Variants in KCNAB1 observed in about 807,000 individuals in gnomAD.
The protein encoded by KCNAB1 is voltage-gated potassium channel subunit beta-1.
In KCNAB1, 35 loss-of-function variants were observed where a neutral mutation model predicts 64.6. The observed-to-expected ratio is 0.54, with a 90% confidence interval of 0.41 to 0.72. The LOEUF (loss-of-function observed/expected upper bound fraction) is 0.72. KCNAB1 is among the 30% of genes least tolerant of loss of function. The pLI, the probability that KCNAB1 is intolerant of heterozygous loss-of-function variation, is 0.00. For synonymous variants in KCNAB1, 177 were observed against 183.8 expected, an observed-to-expected ratio of 0.96 and a Z score of 0.30; for missense variants, 401 against 512.9, an observed-to-expected ratio of 0.78 and a Z score of 2.11.
At chr3:156,534,358 G>T (rs1375111150) in intron 13 of KCNAB1, among the ~76,000 whole-genome samples, 1 of 152,144 alleles carries the variant, frequency 6.6e-6, no homozygotes, top group African/African-American at 2.4e-5. Flanking sequence ...GAGACAGGAG[G>T]AGAAACCACA....
intron 8 of KCNAB1, among the ~76,000 whole-genome samples, chr3:156,510,458 G>A (rs538159826): frequency 2.6e-5 from 4 of 151,848 alleles, no homozygotes; most frequent in East Asian, 3.9e-4. Flanking sequence ...TCCCAGCCCC[G>A]AGGCCATTTC....
At chr3:156,241,105 C>T (rs542074796) in intron 1 of KCNAB1, among the ~76,000 whole-genome samples, 2 of 152,338 alleles carry the variant, frequency 1.3e-5, no homozygotes, top group South Asian at 2.1e-4. Flanking sequence ...GTGCAGGCAG[C>T]GTGGCCTTCT....
At chr3:156,414,100 CT>C (rs1221882358) in intron 1 of KCNAB1, among the ~76,000 whole-genome samples, 3 of 152,196 alleles carry the variant, frequency 2.0e-5, no homozygotes, top group African/African-American at 7.2e-5. Context: ...ACATTGCTGA[CT>C]TTGCTTTCTA....
chr3:156,205,989 G>T (rs1376951558), intron 1 of KCNAB1, among the ~76,000 whole-genome samples: 11 of 152,134 alleles, frequency 7.2e-5, no homozygotes, highest in Non-Finnish European at 1.3e-4. Context: ...TGTTTGCCGG[G>T]ATCACCTTTG....
At chr3:156,296,635 G>C (rs1040588853) in intron 1 of KCNAB1, among the ~76,000 whole-genome samples, 1 of 151,878 alleles carries the variant, frequency 6.6e-6, no homozygotes, top group Non-Finnish European at 1.5e-5. Flanking sequence ...CACCATGCCT[G>C]GCTAATGTTT....
intron 1 of KCNAB1, among the ~76,000 whole-genome samples, chr3:156,392,325 C>T (rs1411955919): frequency 6.6e-6 from 1 of 152,164 alleles, no homozygotes; most frequent in South Asian, 2.1e-4. Context: ...AATTATTCCT[C>T]CCAAAATACT....
At chr3:156,212,072 A>G (rs1715042102) in intron 1 of KCNAB1, among the ~76,000 whole-genome samples, 1 of 152,150 alleles carries the variant, frequency 6.6e-6, no homozygotes, top group South Asian at 2.1e-4. Flanking sequence ...CTTGTAAGGG[A>G]ACTTCATGAT....
intron 1 of KCNAB1, among the ~76,000 whole-genome samples, chr3:156,235,835 T>C (rs1046909348): frequency 4.6e-5 from 7 of 152,066 alleles, no homozygotes; most frequent in African/African-American, 1.7e-4. Context: ...AAAATAGAAA[T>C]TCCTGGGTCC....
chr3:156,333,648 G>A (rs1008853295), intron 1 of KCNAB1, among the ~76,000 whole-genome samples: 1 of 152,110 alleles, frequency 6.6e-6, no homozygotes, highest in Non-Finnish European at 1.5e-5. Context: ...TATAAGAGAT[G>A]TAAAATTGCA....
chr3:156,286,626 G>A (rs1720112590), intron 1 of KCNAB1, among the ~76,000 whole-genome samples: 1 of 152,214 alleles, frequency 6.6e-6, no homozygotes, highest in South Asian at 2.1e-4. Context: ...TTATCGTGAA[G>A]TATTTGAAAA....
At chr3:156,237,876 G>A (rs1365926794) in intron 1 of KCNAB1, among the ~76,000 whole-genome samples, 5 of 152,296 alleles carry the variant, frequency 3.3e-5, no homozygotes, top group Admixed American at 6.5e-5. Context: ...CAGTGCAGGT[G>A]CCATCAGAAC....
At chr3:156,287,541 A>G (rs2107962270) in intron 1 of KCNAB1, among the ~76,000 whole-genome samples, 1 of 152,258 alleles carries the variant, frequency 6.6e-6, no homozygotes, top group South Asian at 2.1e-4. Context: ...GCTCCAAAAA[A>G]GAGCTCCAGG....
At chr3:156,166,528 T>TACACAC (rs199726612) in intron 1 of KCNAB1, among the ~76,000 whole-genome samples, 43 of 145,186 alleles carry the variant, frequency 3.0e-4, no homozygotes, top group South Asian at 2.4e-3. Flanking sequence ...AAAATACATA[T>TACACAC]ATACACACAC....
At chr3:156,215,632 G>C (rs1020643825) in intron 1 of KCNAB1, 3 of 152,284 alleles carry the variant, frequency 2.0e-5, no homozygotes, top group African/African-American at 4.8e-5. Context: ...GGTGGAGACA[G>C]ACAGGGAATT....
At chr3:156,335,188 T>G (rs1384066370) in intron 1 of KCNAB1, among the ~76,000 whole-genome samples, 1 of 152,246 alleles carries the variant, frequency 6.6e-6, no homozygotes, top group Non-Finnish European at 1.5e-5. Flanking sequence ...TCAGTGACTT[T>G]ATCCTTGGCA....
At chr3:156,359,725 A>G (rs6806552) in intron 1 of KCNAB1, among the ~76,000 whole-genome samples, 17,947 of 152,218 alleles carry the variant, frequency 0.12, 3,504 homozygotes, top group African/African-American at 0.41. Flanking sequence ...TCACCATGTT[A>G]TGTGATATGT....
intron 1 of KCNAB1, among the ~76,000 whole-genome samples, chr3:156,196,854 G>A (rs1387166783): frequency 6.6e-6 from 1 of 152,206 alleles, no homozygotes; most frequent in Non-Finnish European, 1.5e-5. Context: ...TAGGAGTGGT[G>A]AGAGAGGGCA....
At chr3:156,290,118 T>G (rs1330826710) in intron 1 of KCNAB1, among the ~76,000 whole-genome samples, 2 of 152,184 alleles carry the variant, frequency 1.3e-5, no homozygotes, top group Non-Finnish European at 2.9e-5. Flanking sequence ...AATGAACAAC[T>G]TTCTCCAGTG....
rs1288210996 is a variant in KCNAB1 at position 156,132,787 on chromosome 3, TAAC to T, written c.275+11906_275+11908del. Among the ~76,000 whole-genome samples the T allele has an allele frequency of 6.6e-5, 10 of 152,334 alleles. No homozygotes were observed. In the East Asian group the frequency reaches 1.7e-3, roughly 26 times the overall value. On this transcript the variant is annotated intron_variant, in intron 1 of 13. Coordinates refer to ENST00000490337, the MANE Select transcript of KCNAB1 (RefSeq NM_172160.3). ...TTCTATAATGTACCTCCAGGATTCA[TAAC>T]AACAGACAAGATAATCACTTTGCTC...
Sources: gnomAD v4.1 joint callset for allele counts (sites outside exome capture counted in the v4.1 genomes callset) on GRCh38, gnomAD v4.1.1 for gene constraint, MANE v1.5 for transcripts, NCBI Gene and HGNC (gene_info 2026-07-23, HGNC 2026-07-21) for gene names.